The following LSAMP variants were observed in gnomAD, a reference collection of about 807,000 sequenced individuals.
LSAMP encodes the protein limbic system associated membrane protein, also known as limbic system-associated membrane protein.
In LSAMP, 7 loss-of-function variants were observed where a neutral mutation model predicts 38.6. The ratio of observed to expected loss-of-function variants is 0.18; its 90% CI spans 0.10 to 0.34. LSAMP has a LOEUF of 0.34. Among genes scored for constraint, LSAMP ranks in the 10% least tolerant of loss-of-function variants. The pLI is 1.00. For synonymous variants in LSAMP, 154 were observed against 166.8 expected, an observed-to-expected ratio of 0.92 and a Z score of 0.59; for missense variants, 313 against 420.0, an observed-to-expected ratio of 0.75 and a Z score of 2.23.
intron 1 of LSAMP, among the ~76,000 whole-genome samples, chr3:116,236,277 C>T (rs1364397449): frequency 6.6e-6 from 1 of 151,816 alleles, no homozygotes; most frequent in African/African-American, 2.4e-5. Context: ...TTCCATAAAA[C>T]TCAAAAAATA....
chr3:116,214,308 C>T (rs1025948726), intron 1 of LSAMP, among the ~76,000 whole-genome samples: 2 of 152,014 alleles, frequency 1.3e-5, no homozygotes, highest in East Asian at 1.9e-4. Context: ...TAGGTCAGGT[C>T]GTGTTCAAAG....
intron 1 of LSAMP, among the ~76,000 whole-genome samples, chr3:116,108,034 C>T (rs1474886281): frequency 4.6e-5 from 7 of 152,018 alleles, no homozygotes; most frequent in African/African-American, 1.5e-4. Context: ...GGCTTTAATC[C>T]TTTCAAAGCA....
chr3:116,021,996 A>T (rs187590013), intron 2 of LSAMP, among the ~76,000 whole-genome samples: 1 of 152,174 alleles, frequency 6.6e-6, no homozygotes, highest in Non-Finnish European at 1.5e-5. Flanking sequence ...AATTAAGGAC[A>T]ATCTATTCAA....
intron 2 of LSAMP, among the ~76,000 whole-genome samples, chr3:116,071,335 G>GTT (rs1311919036): frequency 2.7e-4 from 39 of 142,168 alleles, no homozygotes; most frequent in African/African-American, 7.6e-4. Flanking sequence ...AATCATGAGG[G>GTT]TTTTTTTTTT....
At chr3:116,422,019 G>T (rs1421240405) in intron 1 of LSAMP, among the ~76,000 whole-genome samples, 2 of 152,168 alleles carry the variant, frequency 1.3e-5, no homozygotes, top group East Asian at 1.9e-4. Context: ...CAAACTGGAT[G>T]CAATCCACGT....
chr3:115,871,034 T>C (rs1462434891), intron 3 of LSAMP, among the ~76,000 whole-genome samples: 2 of 152,054 alleles, frequency 1.3e-5, no homozygotes, highest in Non-Finnish European at 2.9e-5. Flanking sequence ...AAGAAATACA[T>C]AGGAATCAGC....
intron 1 of LSAMP, among the ~76,000 whole-genome samples, chr3:116,398,879 A>G (rs1234494546): frequency 6.6e-6 from 1 of 152,240 alleles, no homozygotes; most frequent in Non-Finnish European, 1.5e-5. Flanking sequence ...TCCAATAGAC[A>G]GTGTTGAATG....
chr3:116,423,527 C>A (rs1287978826), intron 1 of LSAMP, among the ~76,000 whole-genome samples: 9 of 152,184 alleles, frequency 5.9e-5, no homozygotes, highest in Non-Finnish European at 1.2e-4. Flanking sequence ...CCTATCCCTC[C>A]TCCTCTTTTT....
intron 3 of LSAMP, among the ~76,000 whole-genome samples, chr3:115,938,641 T>C (rs1471871628): frequency 6.6e-6 from 1 of 152,198 alleles, no homozygotes; most frequent in Non-Finnish European, 1.5e-5. Context: ...AAGAAAAACT[T>C]CCCATGTATA....
chr3:115,824,944 T>C (rs1934361166), intron 6 of LSAMP, among the ~76,000 whole-genome samples: 1 of 152,208 alleles, frequency 6.6e-6, no homozygotes, highest in Admixed American at 6.5e-5. Context: ...GTCTTACCCC[T>C]CACTTTCTAT....
intron 1 of LSAMP, among the ~76,000 whole-genome samples, chr3:116,230,133 T>A (rs1010866780): frequency 1.3e-5 from 2 of 152,192 alleles, no homozygotes; most frequent in African/African-American, 4.8e-5. Flanking sequence ...CCTCATGACA[T>A]TTTGATTGCC....
chr3:116,113,420 A>ATATATAT (rs1553705042), intron 1 of LSAMP, among the ~76,000 whole-genome samples: 2 of 51,028 alleles, frequency 3.9e-5, no homozygotes, highest in Non-Finnish European at 6.3e-5. Flanking sequence ...ATATATATAT[A>ATATATAT]TTTTTTTTTT....
intron 1 of LSAMP, among the ~76,000 whole-genome samples, chr3:116,131,163 T>C (rs889099196): frequency 2.0e-5 from 3 of 151,892 alleles, no homozygotes; most frequent in Admixed American, 6.6e-5. Flanking sequence ...GCTAATTTTT[T>C]TGTATTTTTA....
chr3:116,159,956 C>T (rs573205381), intron 1 of LSAMP, among the ~76,000 whole-genome samples: 1 of 152,224 alleles, frequency 6.6e-6, no homozygotes, highest in Admixed American at 6.5e-5. Context: ...AGGCCATTAA[C>T]CTAAGCTAAC....
chr3:116,252,997 T>C (rs547394100), intron 1 of LSAMP, among the ~76,000 whole-genome samples: 1 of 152,336 alleles, frequency 6.6e-6, no homozygotes, highest in East Asian at 1.9e-4. Context: ...CAGCCCTTTC[T>C]GGACTTCTCG....
chr3:115,912,203 A>C (rs1418855239), intron 3 of LSAMP, among the ~76,000 whole-genome samples: 1 of 152,152 alleles, frequency 6.6e-6, no homozygotes, highest in Non-Finnish European at 1.5e-5. Context: ...CATGCTTTTG[A>C]TGTCAAGCCT....
chr3:116,014,212 T>C (rs766001987), intron 3 of LSAMP, among the ~76,000 whole-genome samples: 4 of 152,198 alleles, frequency 2.6e-5, no homozygotes, highest in Non-Finnish European at 4.4e-5. Flanking sequence ...GAGGTGTGTG[T>C]ATTAGTTTAA....
chr3:116,121,947 CCCAAGACAATTATTCTT>C (rs1708886230), intron 1 of LSAMP, among the ~76,000 whole-genome samples: 2 of 149,622 alleles, frequency 1.3e-5, no homozygotes, highest in Admixed American at 6.7e-5. Flanking sequence ...TTATGTGCGG[CCCAAGACAATTATTCTT>C]CCAATATGTC....
At chr3:116,239,112 C>G (rs948363750) in intron 1 of LSAMP, among the ~76,000 whole-genome samples, 1 of 152,108 alleles carries the variant, frequency 6.6e-6, no homozygotes, top group Non-Finnish European at 1.5e-5. Flanking sequence ...TAGTCTAAGC[C>G]TAGAATAAAG....
Sources: allele counts gnomAD v4.1 joint callset (sites outside exome capture counted in the v4.1 genomes callset), GRCh38; gene constraint gnomAD v4.1.1; transcripts MANE v1.5; gene names NCBI Gene and HGNC (gene_info 2026-07-23, HGNC 2026-07-21).